OSBPL6: variants seen among roughly 807,000 people sequenced by gnomAD.
The protein encoded by OSBPL6 is oxysterol-binding protein-related protein 6.
A neutral mutation model predicts 125.8 loss-of-function variants in OSBPL6; 49 were observed. The ratio of observed to expected loss-of-function variants is 0.39; its 90% CI spans 0.31 to 0.49. OSBPL6 has a LOEUF of 0.49. Among genes scored for constraint, OSBPL6 ranks in the 20% least tolerant of loss-of-function variants. OSBPL6 has a pLI of 0.88. For missense variants in OSBPL6, 986 were observed against 1,135.4 expected, an observed-to-expected ratio of 0.87 and a Z score of 1.89; for synonymous variants, 394 against 391.8, an observed-to-expected ratio of 1.01 and a Z score of -0.07.
intron 10 of OSBPL6, 113 bp downstream of exon 10, chr2:178,339,207 G>C (rs1204632104): frequency 3.6e-6 from 2 of 551,048 alleles, no homozygotes; most frequent in East Asian, 6.5e-5. Context: ...CTGCAATACA[G>C]ACATTCATTT....
chr2:178,199,561 C>G (rs1452661726), intron 1 of OSBPL6, among the ~76,000 whole-genome samples: 3 of 151,460 alleles, frequency 2.0e-5, no homozygotes, highest in African/African-American at 7.3e-5. Context: ...TCATGGGGAG[C>G]CTCTGCAAGA....
At chr2:178,316,743 G>A (rs1687770576) in intron 3 of OSBPL6, among the ~76,000 whole-genome samples, 1 of 152,116 alleles carries the variant, frequency 6.6e-6, no homozygotes, top group African/African-American at 2.4e-5. Context: ...GTAATATGGA[G>A]ATGATTTAAA....
chr2:178,260,164 A>G (rs973005128), intron 1 of OSBPL6, among the ~76,000 whole-genome samples: 2 of 152,156 alleles, frequency 1.3e-5, no homozygotes, highest in Non-Finnish European at 2.9e-5. Flanking sequence ...ATTTTCTTTT[A>G]TGCACCAGTT....
chr2:178,390,490 C>A (rs1695313051), intron 21 of OSBPL6, among the ~76,000 whole-genome samples: 1 of 152,156 alleles, frequency 6.6e-6, no homozygotes. Context: ...GTGCATGAAT[C>A]CAAGGAAAAG....
At chr2:178,281,604 C>T (rs1684179777) in intron 1 of OSBPL6, among the ~76,000 whole-genome samples, 1 of 152,120 alleles carries the variant, frequency 6.6e-6, no homozygotes, top group Admixed American at 6.6e-5. Context: ...ATTTTCTATG[C>T]TGTCCCATTG....
Position 178,385,560 on chromosome 2 carries a change from G to A in OSBPL6, c.2077+39G>A, listed in dbSNP as rs977194447. 4.1e-6 allele frequency: 6 copies of A among 1,472,060 alleles called. No individual in the cohort carries two copies. The Admixed American group carries it at 8.6e-5, about 21-fold the overall frequency. The allele number at this position is 1,472,060 out of a possible 1,614,324, so 91.2% of individuals were successfully genotyped here. The stretch of plus-strand genomic sequence containing the variant: ...TTATAATTTAAAATCAAATGTATGA[G>A]CCTATGAAAAAATATCTGGCTTCCA... On this transcript the variant is annotated intron_variant, in intron 19 of 24. Transcript: ENST00000190611.
chr2:178,280,091 G>A (rs1574728442), intron 1 of OSBPL6, among the ~76,000 whole-genome samples: 2 of 151,996 alleles, frequency 1.3e-5, no homozygotes, highest in African/African-American at 2.4e-5. Context: ...CCAGCTACTC[G>A]GGAGGCTGAG....
chr2:178,256,755 A>G (rs137933642), intron 1 of OSBPL6, among the ~76,000 whole-genome samples: 17 of 152,352 alleles, frequency 1.1e-4, no homozygotes, highest in African/African-American at 3.6e-4. Context: ...TCTTATAAGT[A>G]TGTTTTTGAA....
At position 178,389,045 on chromosome 2, in the gene OSBPL6, T is replaced by G. The variant is rs1397238085; in HGVS notation, c.2193T>G (p.Thr731=). 6.2e-7 allele frequency: 1 copy of G among 1,614,002 alleles called. No homozygotes were observed. Among genetic ancestry groups the G allele is most frequent in the South Asian group, 1.1e-5 (1 of 91,082 alleles). ...GDYYVWNKVT[T]CIHNILSGRR... ...ACTATGTGTGGAATAAAGTCACCACTTGCATACACAACATCCTCAGTGGGA... is the reference window on the plus strand; with the variant it reads ...ACTATGTGTGGAATAAAGTCACCACGTGCATACACAACATCCTCAGTGGGA... The change falls in exon 21 of 25, where the codon ACT becomes ACG. Residue 731 remains threonine, a synonymous_variant. Coordinates refer to ENST00000190611, the MANE Select transcript of OSBPL6 (RefSeq NM_032523.4).
At chr2:178,373,748 T>C in intron 14 of OSBPL6, 142 bp from the exon 15 acceptor site, 1 of 958,986 alleles carries the variant, frequency 1.0e-6, no homozygotes, top group East Asian at 2.6e-5. Context: ...ACAGTGATCA[T>C]TGCTGAATTG....
At chr2:178,215,476 C>A (rs536374237) in intron 1 of OSBPL6, among the ~76,000 whole-genome samples, 1 of 152,278 alleles carries the variant, frequency 6.6e-6, no homozygotes, top group Admixed American at 6.5e-5. Context: ...AATTTCAAGG[C>A]TTTGCATTGG....
At chr2:178,201,818 A>G (rs2089274643) in intron 1 of OSBPL6, among the ~76,000 whole-genome samples, 1 of 152,228 alleles carries the variant, frequency 6.6e-6, no homozygotes, top group Admixed American at 6.5e-5. Flanking sequence ...GACCTGTGGC[A>G]TTTGTTTTCA....
intron 1 of OSBPL6, among the ~76,000 whole-genome samples, chr2:178,251,423 G>A (rs998279996): frequency 6.7e-6 from 1 of 149,790 alleles, no homozygotes; most frequent in Non-Finnish European, 1.5e-5. Flanking sequence ...AATTTTCTGT[G>A]GCATAAAATT....
At chr2:178,248,196 A>G (rs1054186990) in intron 1 of OSBPL6, among the ~76,000 whole-genome samples, 1 of 152,220 alleles carries the variant, frequency 6.6e-6, no homozygotes, top group Non-Finnish European at 1.5e-5. Flanking sequence ...TTTTTTGTAT[A>G]TCTGTGAGAA....
chr2:178,269,438 A>G (rs1273468054), intron 1 of OSBPL6, among the ~76,000 whole-genome samples: 1 of 152,252 alleles, frequency 6.6e-6, no homozygotes, highest in Non-Finnish European at 1.5e-5. Context: ...TGGGTCATAG[A>G]GTATTGGTAC....
intron 2 of OSBPL6, among the ~76,000 whole-genome samples, chr2:178,294,716 ATTTTTT>A (rs34851252): frequency 7.0e-6 from 1 of 142,124 alleles, no homozygotes; most frequent in Admixed American, 7.0e-5. Flanking sequence ...CACCACAGCT[ATTTTTT>A]TTTTTTTTTG....
At chr2:178,227,470 TG>T (rs1472436301) in intron 1 of OSBPL6, among the ~76,000 whole-genome samples, 14 of 152,224 alleles carry the variant, frequency 9.2e-5, no homozygotes, top group African/African-American at 3.4e-4. Context: ...AAATAAATCC[TG>T]GCACATGTGC....
At chr2:178,365,205 A>G (rs1692718243) in intron 13 of OSBPL6, among the ~76,000 whole-genome samples, 1 of 152,200 alleles carries the variant, frequency 6.6e-6, no homozygotes, top group Non-Finnish European at 1.5e-5. Context: ...AACTTATTTA[A>G]GTAGTCTAAA....
At chr2:178,215,958 T>A (rs569069629) in intron 1 of OSBPL6, among the ~76,000 whole-genome samples, 1 of 152,140 alleles carries the variant, frequency 6.6e-6, no homozygotes, top group Non-Finnish European at 1.5e-5. Flanking sequence ...TGGAGGCTGG[T>A]GTTATTTCTA....
Sources: gnomAD v4.1 joint callset for allele counts (sites outside exome capture counted in the v4.1 genomes callset) on GRCh38, gnomAD v4.1.1 for gene constraint, MANE v1.5 for transcripts, NCBI Gene and HGNC (gene_info 2026-07-23, HGNC 2026-07-21) for gene names.